PPP4R3B: variants seen among roughly 807,000 people sequenced by gnomAD.
The protein encoded by PPP4R3B is protein phosphatase 4 regulatory subunit 3B.
In PPP4R3B, 52 loss-of-function variants were observed where a neutral mutation model predicts 95.4. That is an observed-to-expected ratio of 0.54 (90% confidence interval 0.44 to 0.69). PPP4R3B has a LOEUF of 0.69. Ranked by LOEUF, PPP4R3B falls within the 30% of genes least tolerant of loss-of-function variation. The pLI is 0.00. For missense variants in PPP4R3B, 1,003 were observed against 1,005.9 expected, an observed-to-expected ratio of 1.00 and a Z score of 0.04; for synonymous variants, 407 against 343.9, an observed-to-expected ratio of 1.18 and a Z score of -2.03.
At chr2:55,616,709 C>A (rs761712803) in intron 1 of PPP4R3B, 1 of 152,674 alleles carries the variant, frequency 6.5e-6, no homozygotes, top group African/African-American at 2.4e-5. Flanking sequence ...ACTGTGGCAC[C>A]TGGGGCCCGT....
chr2:55,579,173 AT>A (rs1689103852), intron 9 of PPP4R3B, among the ~76,000 whole-genome samples: 1 of 152,122 alleles, frequency 6.6e-6, no homozygotes, highest in South Asian at 2.1e-4. Flanking sequence ...ACGGGTGCCG[AT>A]TACATAAGAA....
chr2:55,573,888 T>A, intron 11 of PPP4R3B, 111 bp from the exon 12 acceptor site: 15 of 387,230 alleles, frequency 3.9e-5, no homozygotes, highest in East Asian at 1.1e-4. Context: ...ATTTCCTCCT[T>A]TTTTTTTTTT....
intron 3 of PPP4R3B, among the ~76,000 whole-genome samples, chr2:55,601,258 C>T (rs916082783): frequency 6.6e-6 from 1 of 151,934 alleles, no homozygotes; most frequent in Non-Finnish European, 1.5e-5. Flanking sequence ...ATAGGTTTGC[C>T]AAGACCACCC....
chr2:55,563,193 G>A lies in PPP4R3B; in HGVS notation c.2260+1120C>T, dbSNP rs371121068. 1.0e-3 allele frequency among the ~76,000 whole-genome samples: 152 copies of A among 152,210 alleles called. 2 individuals are homozygous for A. In the South Asian group the frequency reaches 0.028, roughly 28 times the overall value. On this transcript the variant is annotated intron_variant, in intron 15 of 16. Transcript: ENST00000616407. ...GATATTTTAATAAGCTTTTTGCTCC[G>A]CCACGCTGAGGCAAATAAAACTTAT...
chr2:55,556,697 A>G (rs564051600), intron 16 of PPP4R3B, among the ~76,000 whole-genome samples: 1 of 152,282 alleles, frequency 6.6e-6, no homozygotes, highest in South Asian at 2.1e-4. Context: ...CAGTGTTCTC[A>G]GCATTTTACA....
At chr2:55,577,187 A>T (rs959574059) in intron 11 of PPP4R3B, 128 bp downstream of exon 11, 4 of 1,191,596 alleles carry the variant, frequency 3.4e-6, no homozygotes, top group Non-Finnish European at 4.4e-6. Flanking sequence ...TTACAAAAGT[A>T]AATTTCTTCT....
chr2:55,609,687 A>C (rs540731358), intron 2 of PPP4R3B, among the ~76,000 whole-genome samples: 10 of 152,106 alleles, frequency 6.6e-5, no homozygotes, highest in South Asian at 4.1e-4. Flanking sequence ...AAAAACAAAA[A>C]AAACAAAAAA....
chr2:55,567,575 T>TCAG (rs564640741), intron 13 of PPP4R3B, among the ~76,000 whole-genome samples: 10 of 152,064 alleles, frequency 6.6e-5, no homozygotes, highest in Non-Finnish European at 8.8e-5. Flanking sequence ...GCCATCACAC[T>TCAG]CAGCTAATTT....
Position 55,617,281 on chromosome 2 carries a change from G to C in PPP4R3B, c.5C>G (p.Ser2Trp), listed in dbSNP as rs1695096911. The change falls in exon 1 of 17, where the codon TCG becomes TGG. Residue 2 changes from serine (S) to tryptophan (W), a missense_variant. Ser to Trp is a radical substitution (Grantham distance 177, BLOSUM62 -3). Around this residue, in one of 3 missense-constraint regions of PPP4R3B, gnomAD observed 695 missense variants for 686.2 expected, o/e 1.01. Transcript: ENST00000616407. The stretch of plus-strand genomic sequence containing the variant: ...GACCTTCACTCGCCGCCGCGTATCC[G>C]ACATGGTGGCTGCTGTCTCCACCGC... M[S>W]DTRRRVKVYT... The C allele has an allele frequency of 6.3e-7, 1 of 1,593,728 alleles. No individual in the cohort carries two copies. The highest frequency in any genetic ancestry group is 8.6e-7 in the Non-Finnish European group (1 of 1,167,804).
intron 12 of PPP4R3B, among the ~76,000 whole-genome samples, chr2:55,572,805 C>A (rs1469602875): frequency 6.6e-6 from 1 of 152,038 alleles, no homozygotes; most frequent in Non-Finnish European, 1.5e-5. Flanking sequence ...AAAAACAATC[C>A]TGTAATTTAT....
At chr2:55,572,412 AG>A (rs1487047137) in intron 12 of PPP4R3B, among the ~76,000 whole-genome samples, 2 of 152,220 alleles carry the variant, frequency 1.3e-5, no homozygotes, top group Non-Finnish European at 2.9e-5. Flanking sequence ...ATATACAAAA[AG>A]CTCTAAGAAA....
intron 3 of PPP4R3B, among the ~76,000 whole-genome samples, chr2:55,600,295 G>A (rs918714758): frequency 2.0e-5 from 3 of 151,964 alleles, no homozygotes; most frequent in Non-Finnish European, 2.9e-5. Context: ...GCGTGGTGGC[G>A]CATGCCTGTA....
At chr2:55,565,744 A>C (rs1157561219) in intron 13 of PPP4R3B, 1 of 210,610 alleles carries the variant, frequency 4.7e-6, no homozygotes, top group Non-Finnish European at 1.0e-5. Context: ...TTAAGTTTTC[A>C]AATGAGCCTA....
chr2:55,590,960 G>A (rs1440092227), intron 4 of PPP4R3B, among the ~76,000 whole-genome samples: 1 of 152,164 alleles, frequency 6.6e-6, no homozygotes, highest in African/African-American at 2.4e-5. Context: ...GACACTGGGA[G>A]ATGAATCACT....
At chr2:55,579,199 T>C (rs1178200515) in intron 9 of PPP4R3B, among the ~76,000 whole-genome samples, 1 of 152,066 alleles carries the variant, frequency 6.6e-6, no homozygotes, top group East Asian at 1.9e-4. Flanking sequence ...AATATGGAAA[T>C]GCAATTTTAA....
At chr2:55,555,278 T>TAAAAAAAAAAAAAA (rs372423262) in intron 16 of PPP4R3B, among the ~76,000 whole-genome samples, 1 of 108,900 alleles carries the variant, frequency 9.2e-6, no homozygotes, top group Admixed American at 1.0e-4. Context: ...AGACTCCGTC[T>TAAAAAAAAAAAAAA]AAAAAAAAAA....
intron 16 of PPP4R3B, among the ~76,000 whole-genome samples, chr2:55,557,265 T>G (rs2103827941): frequency 2.0e-5 from 3 of 152,286 alleles, no homozygotes; most frequent in African/African-American, 7.2e-5. Context: ...AGATCATGGC[T>G]CACTGAAGCC....
chr2:55,579,877 A>C lies in PPP4R3B; in HGVS notation c.1366-96T>G, dbSNP rs1030585700. 1.3e-5 allele frequency: 9 copies of C among 667,498 alleles called. No individual in the cohort carries two copies. The Admixed American group carries it at 2.9e-4, about 21-fold the overall frequency. The allele number at this position is 667,498 out of a possible 1,614,324, so 41.3% of individuals were successfully genotyped here. A position where few individuals can be genotyped will look rare whatever the true frequency, so the allele number is the denominator to read the frequency against. On this transcript the variant is annotated intron_variant, in intron 8 of 16. Transcript: ENST00000616407. ...ATACCTTTTCCAGAACCAAACCAAA[A>C]CAAAAAGAATTAGCAGTACAGATCA...
chr2:55,548,123 T>C lies in PPP4R3B; in HGVS notation c.*1788A>G, dbSNP rs895209901. On this transcript the variant is annotated 3_prime_UTR_variant, in exon 17 of 17. Transcript: ENST00000616407. ...TTTCTTACTATATGTACACCTTTAA[T>C]TGAAAAGGTGAGAAAAGCTCCATAC... is the stretch of plus-strand genomic sequence containing the variant. 4.6e-5 allele frequency: 7 copies of C among 152,306 alleles called. No homozygotes were observed. The highest frequency in any genetic ancestry group is 1.4e-4 in the African/African-American group (6 of 41,552). 9.4% of individuals were successfully genotyped at this position (152,306 alleles called of 1,614,324 possible). A position where few individuals can be genotyped will look rare whatever the true frequency, so the allele number is the denominator to read the frequency against.
Sources: allele counts gnomAD v4.1 joint callset (sites outside exome capture counted in the v4.1 genomes callset), GRCh38; gene constraint gnomAD v4.1.1; regional missense constraint gnomAD v4.1.1; transcripts MANE v1.5; gene names NCBI Gene and HGNC (gene_info 2026-07-23, HGNC 2026-07-21).